RSPO2: variants seen among roughly 807,000 people sequenced by gnomAD.
RSPO2 encodes the protein R-spondin 2.
Under a neutral mutation model 30.9 loss-of-function variants are expected in RSPO2, and 14 were observed. The ratio of observed to expected loss-of-function variants is 0.45; its 90% CI spans 0.30 to 0.71. The LOEUF is 0.71. RSPO2 is among the 30% of genes least tolerant of loss of function. RSPO2 has a pLI of 0.08. For missense variants in RSPO2, 264 were observed against 301.9 expected (o/e 0.87, Z 0.93); for synonymous variants, 107 against 96.4 (o/e 1.11, Z -0.64).
chr8:107,983,484 A>C (rs1037997879), intron 3 of RSPO2: 61 of 1,597,996 alleles, frequency 3.8e-5, no homozygotes, highest in Non-Finnish European at 5.2e-5. Flanking sequence ...GCCCTTCCAC[A>C]GAGAAATGTC....
At chr8:108,035,291 T>C (rs1811554396) in intron 2 of RSPO2, among the ~76,000 whole-genome samples, 1 of 152,198 alleles carries the variant, frequency 6.6e-6, no homozygotes, top group Non-Finnish European at 1.5e-5. Flanking sequence ...CTTCCTACTG[T>C]GCGTCAACTC....
At chr8:107,983,102 C>A in intron 3 of RSPO2, 1 of 1,403,426 alleles carries the variant, frequency 7.1e-7, no homozygotes, top group Non-Finnish European at 9.7e-7. Context: ...AAGGCCGCCG[C>A]TTACCCCAGG....
chr8:108,060,007 A>T (rs1002079949), intron 2 of RSPO2, among the ~76,000 whole-genome samples: 2 of 151,132 alleles, frequency 1.3e-5, no homozygotes, highest in Non-Finnish European at 2.9e-5. Context: ...TATAATACTA[A>T]TAAAATAAAA....
chr8:108,058,823 G>C (rs77397203), intron 2 of RSPO2, among the ~76,000 whole-genome samples: 45,187 of 151,332 alleles, frequency 0.3, 7,689 homozygotes, highest in African/African-American at 0.45. Context: ...GGATCCCTTC[G>C]TTACACCTTA....
At chr8:108,066,099 C>T (rs950461059) in intron 2 of RSPO2, among the ~76,000 whole-genome samples, 12 of 151,790 alleles carry the variant, frequency 7.9e-5, no homozygotes, top group Non-Finnish European at 1.6e-4. Context: ...AACAGACAAG[C>T]CTGATGGGTT....
chr8:108,006,423 A>C (rs1815453405), intron 2 of RSPO2, among the ~76,000 whole-genome samples: 1 of 152,130 alleles, frequency 6.6e-6, no homozygotes. Context: ...GTTATAATGT[A>C]ATATTAGATG....
chr8:107,958,392 A>G (rs1813501000), intron 4 of RSPO2, 124 bp from the exon 5 acceptor site: 1 of 700,174 alleles, frequency 1.4e-6, no homozygotes, highest in Non-Finnish European at 2.4e-6. Flanking sequence ...GATACCAAAA[A>G]TTAAGTGGTA....
intron 2 of RSPO2, among the ~76,000 whole-genome samples, chr8:108,065,289 G>GAAA (rs533689799): frequency 1.8e-4 from 14 of 78,248 alleles, no homozygotes; most frequent in African/African-American, 4.6e-4. Context: ...CTCAGAAATT[G>GAAA]AAAAAAAAAA....
At chr8:107,907,262 T>G (rs1811677823) in intron 5 of RSPO2, among the ~76,000 whole-genome samples, 1 of 151,996 alleles carries the variant, frequency 6.6e-6, no homozygotes, top group South Asian at 2.1e-4. Flanking sequence ...GTCAGTTCCT[T>G]TTAAGGCATT....
chr8:107,925,853 C>T (rs1179966590), intron 5 of RSPO2, among the ~76,000 whole-genome samples: 2 of 152,106 alleles, frequency 1.3e-5, no homozygotes, highest in African/African-American at 4.8e-5. Flanking sequence ...TGAGTAGTGC[C>T]ACAATAAACA....
At chr8:107,943,513 T>A (rs1812965514) in intron 5 of RSPO2, among the ~76,000 whole-genome samples, 1 of 152,206 alleles carries the variant, frequency 6.6e-6, no homozygotes, top group Non-Finnish European at 1.5e-5. Context: ...CAACTAGACA[T>A]GCTCACGTGC....
At chr8:108,041,286 G>A (rs932321255) in intron 2 of RSPO2, among the ~76,000 whole-genome samples, 2 of 149,904 alleles carry the variant, frequency 1.3e-5, no homozygotes, top group Non-Finnish European at 3.0e-5. Context: ...AGAATGGTAA[G>A]AGCAAATATG....
At chr8:107,988,100 T>C (rs193286695) in intron 3 of RSPO2, among the ~76,000 whole-genome samples, 1 of 152,254 alleles carries the variant, frequency 6.6e-6, no homozygotes, top group Admixed American at 6.5e-5. Flanking sequence ...ACAATTTCTA[T>C]GGCTGACCTA....
chr8:108,052,729 T>C (rs2443774), intron 2 of RSPO2, among the ~76,000 whole-genome samples: 94,409 of 151,998 alleles, frequency 0.62, 31,227 homozygotes, highest in African/African-American at 0.88. Context: ...ACTACTATTA[T>C]TCCCATTTTA....
At chr8:107,945,080 A>C in intron 5 of RSPO2, among the ~76,000 whole-genome samples, 1 of 152,010 alleles carries the variant, frequency 6.6e-6, no homozygotes, top group East Asian at 1.9e-4. Flanking sequence ...TCCAAAGGAA[A>C]AATATCTTTG....
chr8:108,053,039 G>A (rs1295641994), intron 2 of RSPO2, among the ~76,000 whole-genome samples: 1 of 152,122 alleles, frequency 6.6e-6, no homozygotes, highest in East Asian at 1.9e-4. Context: ...TATTTTACCA[G>A]TGACTTCAGG....
chr8:107,990,865 G>C (rs1407570450), intron 2 of RSPO2, among the ~76,000 whole-genome samples: 2 of 152,126 alleles, frequency 1.3e-5, no homozygotes, highest in East Asian at 3.9e-4. Flanking sequence ...CAGGCTAATG[G>C]AACAGAATAG....
chr8:108,032,037 G>A (rs1264778662), intron 2 of RSPO2, among the ~76,000 whole-genome samples: 1 of 152,166 alleles, frequency 6.6e-6, no homozygotes, highest in Non-Finnish European at 1.5e-5. Flanking sequence ...TACAGCTACA[G>A]CTATGGCTGG....
chr8:107,973,477 G>T (rs1239113526), intron 3 of RSPO2, among the ~76,000 whole-genome samples: 1 of 151,690 alleles, frequency 6.6e-6, no homozygotes, highest in African/African-American at 2.4e-5. Flanking sequence ...ATGCCAAAGG[G>T]AAAGTAAAGC....
Sources: gnomAD v4.1 joint callset for allele counts (sites outside exome capture counted in the v4.1 genomes callset) on GRCh38, gnomAD v4.1.1 for gene constraint, MANE v1.5 for transcripts, NCBI Gene and HGNC (gene_info 2026-07-23, HGNC 2026-07-21) for gene names.